The following LRP1B variants were observed in gnomAD, a reference collection of about 807,000 sequenced individuals.
LRP1B encodes the protein low-density lipoprotein receptor-related protein 1B.
A neutral mutation model predicts 556.6 loss-of-function variants in LRP1B; 217 were observed. The observed-to-expected ratio is 0.39, with a 90% confidence interval of 0.35 to 0.44. The LOEUF is 0.44. LRP1B is among the 20% of genes least tolerant of loss of function. The pLI, the probability that LRP1B is intolerant of heterozygous loss-of-function variation, is 1.00. For missense variants in LRP1B, 5,053 were observed against 5,620.8 expected (o/e 0.90, Z 3.23); for synonymous variants, 2,047 against 1,865.8 (o/e 1.10, Z -2.50).
chr2:140,837,065 A>T (rs1030188929), intron 31 of LRP1B, among the ~76,000 whole-genome samples: 3 of 152,176 alleles, frequency 2.0e-5, no homozygotes, highest in Non-Finnish European at 4.4e-5. Context: ...TTAATACTAC[A>T]ATCATATGAT....
chr2:141,105,926 A>G (rs1240094443), intron 7 of LRP1B, among the ~76,000 whole-genome samples: 2 of 152,126 alleles, frequency 1.3e-5, no homozygotes, highest in Admixed American at 6.6e-5. Flanking sequence ...CTTAAAAAAA[A>G]AGCTGGTCAC....
intron 2 of LRP1B, among the ~76,000 whole-genome samples, chr2:141,635,047 A>ACACACACACACAC (rs35004868): frequency 0.028 from 4,194 of 150,026 alleles, 226 homozygotes; most frequent in African/African-American, 0.098. Context: ...ACTATAGTGA[A>ACACACACACACAC]ACACACACAC....
intron 32 of LRP1B, among the ~76,000 whole-genome samples, chr2:140,792,257 T>C (rs1048176989): frequency 1.3e-5 from 2 of 152,160 alleles, no homozygotes; most frequent in African/African-American, 2.4e-5. Flanking sequence ...AAATATCGTA[T>C]GCCTTTTCTC....
At chr2:141,816,044 C>A (rs781058078) in intron 1 of LRP1B, among the ~76,000 whole-genome samples, 15 of 152,176 alleles carry the variant, frequency 9.9e-5, no homozygotes, top group Admixed American at 4.6e-4. Context: ...AAAAAGTGTG[C>A]AGTTGACAGT....
chr2:141,794,210 G>A (rs1157993996), intron 2 of LRP1B, among the ~76,000 whole-genome samples: 1 of 151,848 alleles, frequency 6.6e-6, no homozygotes, highest in Admixed American at 6.6e-5. Context: ...AAGTCTCTAT[G>A]AGAGGACATG....
At chr2:141,935,767 T>C (rs1188183439) in intron 1 of LRP1B, among the ~76,000 whole-genome samples, 2 of 152,282 alleles carry the variant, frequency 1.3e-5, no homozygotes, top group Middle Eastern at 3.4e-3. Flanking sequence ...AGACAGATAC[T>C]TATTGCAAGT....
At chr2:141,181,443 T>C (rs750644018) in intron 7 of LRP1B, among the ~76,000 whole-genome samples, 15 of 151,942 alleles carry the variant, frequency 9.9e-5, no homozygotes, top group African/African-American at 1.4e-4. Flanking sequence ...GAAATCCTTA[T>C]AGGTAGTGAC....
intron 2 of LRP1B, among the ~76,000 whole-genome samples, chr2:141,691,908 A>T (rs1691547522): frequency 6.6e-6 from 1 of 151,978 alleles, no homozygotes; most frequent in Admixed American, 6.6e-5. Context: ...CATGAAACTT[A>T]TATTTTTTTG....
Position 140,274,549 on chromosome 2 carries a change from A to G in LRP1B, c.13017T>C (p.Asp4339=), listed in dbSNP as rs1682591536. Residue 4339 remains aspartate (D), a synonymous_variant, in exon 85 of 91, where the codon GAT becomes GAC. Transcript: ENST00000389484. The part of the protein sequence containing the change: ...CVNSESCTIG[D]DGSVECVCPT... ...GACAGACACATTCAACACTTCCATC[A>G]TCCCCAATGGTACATGATTCAGAAT... is the stretch of plus-strand genomic sequence containing the variant. 1 of 1,612,480 alleles carries G rather than the reference A, an allele frequency of 6.2e-7. No homozygotes were observed. Among genetic ancestry groups the G allele is most frequent in the Admixed American group, 1.7e-5 (1 of 59,808 alleles).
chr2:140,512,275 C>T (rs74639679), intron 51 of LRP1B, among the ~76,000 whole-genome samples: 4,113 of 152,202 alleles, frequency 0.027, 190 homozygotes, highest in African/African-American at 0.092. Context: ...AATTTTCTGG[C>T]TCCCTTGATA....
chr2:140,366,630 A>T (rs189890776), intron 71 of LRP1B, among the ~76,000 whole-genome samples: 1 of 151,882 alleles, frequency 6.6e-6, no homozygotes, highest in African/African-American at 2.4e-5. Flanking sequence ...AAATATCTGG[A>T]AAGAGTGATG....
At chr2:141,512,087 C>T (rs371055745) in intron 2 of LRP1B, among the ~76,000 whole-genome samples, 27 of 152,236 alleles carry the variant, frequency 1.8e-4, no homozygotes, top group African/African-American at 6.3e-4. Flanking sequence ...CAGAAGAGTA[C>T]ATTAATTTAC....
At chr2:141,091,565 T>C (rs564645906) in intron 7 of LRP1B, among the ~76,000 whole-genome samples, 2 of 152,194 alleles carry the variant, frequency 1.3e-5, no homozygotes, top group African/African-American at 4.8e-5. Context: ...ATGTCTAAAT[T>C]ACCCAAGTCT....
At chr2:141,435,035 CA>C (rs1242632705) in intron 3 of LRP1B, among the ~76,000 whole-genome samples, 1 of 152,120 alleles carries the variant, frequency 6.6e-6, no homozygotes, top group African/African-American at 2.4e-5. Context: ...CCCTCATATT[CA>C]ATCAGGGACT....
rs182397152 is a variant in LRP1B, at chr2:141,470,402, T to G, written c.343+9994A>C. 3.9e-3 allele frequency among the ~76,000 whole-genome samples: 591 copies of G among 152,280 alleles called. 9 individuals carry two copies. Among genetic ancestry groups the G allele is most frequent in the African/African-American group, 0.013 (524 of 41,564 alleles). On this transcript the variant is annotated intron_variant, in intron 3 of 90. Coordinates refer to ENST00000389484, the MANE Select transcript of LRP1B (RefSeq NM_018557.3). ...TCAGCCTGTTGTTTGCTCAGCACAT[T>G]TTTTTCCTTTTCAATCAATTAATAA... is the stretch of plus-strand genomic sequence containing the variant.
chr2:141,769,167 A>G (rs1694821411), intron 2 of LRP1B, among the ~76,000 whole-genome samples: 1 of 152,170 alleles, frequency 6.6e-6, no homozygotes, highest in African/African-American at 2.4e-5. Context: ...CTGCTGGGTA[A>G]TGCAAGTCTC....
At chr2:140,428,781 C>T (rs540885274) in intron 66 of LRP1B, among the ~76,000 whole-genome samples, 58 of 152,136 alleles carry the variant, frequency 3.8e-4, no homozygotes, top group Non-Finnish European at 6.6e-4. Flanking sequence ...AACTGTTGTG[C>T]GTATTGACGG....
chr2:140,625,562 AT>A (rs527484294), intron 41 of LRP1B, among the ~76,000 whole-genome samples: 46 of 152,348 alleles, frequency 3.0e-4, no homozygotes, highest in African/African-American at 9.4e-4. Flanking sequence ...ACTTAAAAAA[AT>A]GGGCAAAATG....
intron 86 of LRP1B, among the ~76,000 whole-genome samples, chr2:140,268,463 A>T (rs17385855): frequency 0.02 from 3,106 of 152,094 alleles, 39 homozygotes; most frequent in African/African-American, 0.029. Flanking sequence ...TGGTAATAAA[A>T]TATCTGAATT....
Sources: gnomAD v4.1 joint callset for allele counts (sites outside exome capture counted in the v4.1 genomes callset) on GRCh38, gnomAD v4.1.1 for gene constraint, MANE v1.5 for transcripts, NCBI Gene and HGNC (gene_info 2026-07-23, HGNC 2026-07-21) for gene names.